The following CYB5A variants were observed in gnomAD, a reference collection of about 807,000 sequenced individuals.
CYB5A encodes cytochrome b5 type A.
A neutral mutation model predicts 16.2 loss-of-function variants in CYB5A; 10 were observed. The ratio of observed to expected loss-of-function variants is 0.62; its 90% confidence interval spans 0.38 to 1.04. CYB5A has a LOEUF of 1.04. Ranked by LOEUF, CYB5A falls within the 50% of genes least tolerant of loss-of-function variation. The pLI is 0.01. For missense variants in CYB5A, 161 were observed against 165.9 expected (o/e 0.97, Z 0.16); for synonymous variants, 62 against 57.0 (o/e 1.09, Z -0.40).
chr18:74,272,524 AAC>A (rs1982708362), intron 1 of CYB5A, among the ~76,000 whole-genome samples: 1 of 152,202 alleles, frequency 6.6e-6, no homozygotes, highest in Non-Finnish European at 1.5e-5. Flanking sequence ...TGGTATTTCT[AAC>A]AAGAGGTAAA....
intron 1 of CYB5A, among the ~76,000 whole-genome samples, chr18:74,268,836 G>A (rs755082615): frequency 6.6e-6 from 1 of 152,130 alleles, no homozygotes; most frequent in Non-Finnish European, 1.5e-5. Flanking sequence ...ACCACTTACT[G>A]GAACTCACTC....
chr18:74,255,771 G>A lies in CYB5A; in HGVS notation c.293C>T (p.Thr98Ile). 6.2e-7 allele frequency: 1 copy of A among 1,611,448 alleles called. No individual in the cohort carries two copies. Among genetic ancestry groups the A allele is most frequent in the South Asian group, 1.1e-5 (1 of 91,036 alleles). ...ACTAGAATCAATAGTAGTGATAAGA[G>A]TTTCCTGAAACACGAGAGGAAAAAG... is the stretch of plus-strand genomic sequence containing the variant. The part of the protein sequence containing the change: ...DRPKLNKPPE[T>I]LITTIDSSSS... Residue 98 changes from threonine (T) to isoleucine (I), a missense_variant, in exon 4 of 5, where the codon ACT becomes ATT. Physicochemically the swap from Thr to Ile is moderately conservative, Grantham distance 89 (BLOSUM62 -1). Transcript: ENST00000340533.
chr18:74,284,088 C>G (rs1296312557), intron 1 of CYB5A, among the ~76,000 whole-genome samples: 1 of 151,946 alleles, frequency 6.6e-6, no homozygotes, highest in Admixed American at 6.6e-5. Flanking sequence ...CAAAATTAGT[C>G]AGCCTGGTGG....
rs1468007246 is a variant in CYB5A, at chr18:74,251,918, A to C, written c.*1666T>G. The C allele has an allele frequency of 6.6e-6, 1 of 152,226 alleles. No individual in the cohort carries two copies. Among genetic ancestry groups the C allele is most frequent in the Non-Finnish European group, 1.5e-5 (1 of 68,038 alleles). 9.4% of individuals were successfully genotyped at this position (152,226 alleles called of 1,614,324 possible). On this transcript the variant is annotated 3_prime_UTR_variant, in exon 5 of 5. Transcript: ENST00000340533. ...AAAATGATTTACAAGTTAACCCTTT[A>C]ATGTCATCTAAGGTACGACTGACCC...
intron 1 of CYB5A, among the ~76,000 whole-genome samples, chr18:74,264,525 T>C (rs983914097): frequency 1.3e-5 from 2 of 152,198 alleles, no homozygotes; most frequent in South Asian, 2.1e-4. Flanking sequence ...GCACCCTGCG[T>C]GCCGGCAATG....
At chr18:74,256,812 G>A in intron 3 of CYB5A, 1 of 1,613,056 alleles carries the variant, frequency 6.2e-7, no homozygotes, top group Non-Finnish European at 8.5e-7. Flanking sequence ...AAGCAAAGCA[G>A]TTATGAGACC....
chr18:74,262,177 G>A (rs1293967865), intron 2 of CYB5A, among the ~76,000 whole-genome samples: 1 of 152,202 alleles, frequency 6.6e-6, no homozygotes, highest in East Asian at 1.9e-4. Context: ...ATTAGGACTA[G>A]GTGCGGTGAC....
At chr18:74,262,731 G>A (rs1599249935) in intron 2 of CYB5A, among the ~76,000 whole-genome samples, 1 of 152,180 alleles carries the variant, frequency 6.6e-6, no homozygotes, top group African/African-American at 2.4e-5. Context: ...AGGAAAGAAA[G>A]CAATGCTGGG....
In CYB5A at chr18:74,278,924, A is replaced by C. The variant is rs1568222691; in HGVS notation, c.129+12823T>G. On this transcript the variant is annotated intron_variant, in intron 1 of 4. Transcript: ENST00000340533. ...CTTGTCTCATTGGATAAAATAAAGC[A>C]GGTGTGCTAATTCTTCCTCTAATCT... 4.6e-5 allele frequency among the ~76,000 whole-genome samples: 7 copies of C among 152,346 alleles called. No homozygotes were observed. The South Asian group carries it at 1.4e-3, about 32-fold the overall frequency.
At chr18:74,273,016 A>G (rs190057669) in intron 1 of CYB5A, among the ~76,000 whole-genome samples, 1 of 152,360 alleles carries the variant, frequency 6.6e-6, no homozygotes, top group Admixed American at 6.5e-5. Flanking sequence ...TTTCAGTTAC[A>G]CTTCATGTAA....
chr18:74,266,699 T>A (rs550274299), intron 1 of CYB5A, among the ~76,000 whole-genome samples: 1 of 151,626 alleles, frequency 6.6e-6, no homozygotes, highest in African/African-American at 2.4e-5. Flanking sequence ...AATCTACCTA[T>A]CGACCTCTGG....
intron 1 of CYB5A, among the ~76,000 whole-genome samples, chr18:74,269,700 T>G (rs1431762389): frequency 6.6e-6 from 1 of 152,170 alleles, no homozygotes; most frequent in Non-Finnish European, 1.5e-5. Context: ...CTTTCTTTCT[T>G]CATCTATTCC....
intron 1 of CYB5A, among the ~76,000 whole-genome samples, chr18:74,279,732 G>A (rs760713877): frequency 1.3e-5 from 2 of 152,018 alleles, no homozygotes; most frequent in Non-Finnish European, 2.9e-5. Flanking sequence ...AAATATGCAG[G>A]TGAGACAAAG....
intron 1 of CYB5A, among the ~76,000 whole-genome samples, chr18:74,285,137 T>C (rs1168689517): frequency 6.6e-6 from 1 of 152,204 alleles, no homozygotes; most frequent in Non-Finnish European, 1.5e-5. Context: ...ACCCATACTC[T>C]GTTCCTCTAT....
At chr18:74,290,275 C>T (rs906403112) in intron 1 of CYB5A, among the ~76,000 whole-genome samples, 1 of 152,140 alleles carries the variant, frequency 6.6e-6, no homozygotes, top group African/African-American at 2.4e-5. Flanking sequence ...GACAGAGTCT[C>T]ACTCTGTCCC....
chr18:74,279,917 A>G (rs1599263459), intron 1 of CYB5A, among the ~76,000 whole-genome samples: 1 of 152,246 alleles, frequency 6.6e-6, no homozygotes, highest in East Asian at 1.9e-4. Flanking sequence ...CAGTGAATAA[A>G]AGAGAAAAAG....
chr18:74,266,791 T>C (rs1171377046), intron 1 of CYB5A, among the ~76,000 whole-genome samples: 1 of 151,262 alleles, frequency 6.6e-6, no homozygotes, highest in Non-Finnish European at 1.5e-5. Flanking sequence ...TTGGATTATA[T>C]TGGTTTCACT....
rs1981839491 is a variant in CYB5A at position 74,253,442 on chromosome 18, C to G, written c.*142G>C. 1.6e-6 allele frequency: 1 copy of G among 623,270 alleles called. No homozygotes were observed. Among genetic ancestry groups the G allele is most frequent in the Non-Finnish European group, 2.9e-6 (1 of 342,192 alleles). The allele number at this position is 623,270 out of a possible 1,614,324, so 38.6% of individuals were successfully genotyped here. ...AAGGACAGTTCTTTTTGTTTTGTTTCTAATGTCGGAAGAAAAAGAAAGAGA... is the reference window on the plus strand; with the variant it reads ...AAGGACAGTTCTTTTTGTTTTGTTTGTAATGTCGGAAGAAAAAGAAAGAGA... On this transcript the variant is annotated 3_prime_UTR_variant, in exon 5 of 5. Transcript: ENST00000340533.
intron 1 of CYB5A, among the ~76,000 whole-genome samples, chr18:74,264,997 T>G (rs1382465625): frequency 6.6e-6 from 1 of 152,176 alleles, no homozygotes; most frequent in East Asian, 1.9e-4. Context: ...TATTTTAGAT[T>G]CATCCTGACC....
Sources: allele counts gnomAD v4.1 joint callset (sites outside exome capture counted in the v4.1 genomes callset), GRCh38; gene constraint gnomAD v4.1.1; transcripts MANE v1.5; gene names NCBI Gene and HGNC (gene_info 2026-07-23, HGNC 2026-07-21).